The following EIF4G3 variants were observed in gnomAD, a reference collection of about 807,000 sequenced individuals.
EIF4G3 encodes eIF-4-gamma 3.
Under a neutral mutation model 186.4 loss-of-function variants are expected in EIF4G3, and 34 were observed. That is an observed-to-expected ratio of 0.18 (90% CI 0.14 to 0.24). The LOEUF (loss-of-function observed/expected upper bound fraction) is 0.24, where lower values mean the gene tolerates loss of function less well. EIF4G3 is among the 10% of genes least tolerant of loss of function. The probability of loss-of-function intolerance (pLI) is 1.00; values close to 1 mark genes in which losing one functional copy is unlikely to be tolerated. For missense variants in EIF4G3, 1,536 were observed against 1,948.5 expected (o/e 0.79, Z 3.99); for synonymous variants, 673 against 679.5 (o/e 0.99, Z 0.15).
chr1:20,834,936 T>G (rs187719333), intron 30 of EIF4G3, among the ~76,000 whole-genome samples: 84 of 152,254 alleles, frequency 5.5e-4, no homozygotes, highest in Middle Eastern at 6.8e-3. Context: ...TCTTCTAAAG[T>G]GCAAATAAAA....
chr1:20,953,543 A>G (rs2096296737), intron 12 of EIF4G3, among the ~76,000 whole-genome samples: 1 of 152,244 alleles, frequency 6.6e-6, no homozygotes, highest in African/African-American at 2.4e-5. Flanking sequence ...ATGTTTACCT[A>G]TTAAGTAAAC....
chr1:21,027,748 T>C (rs562340738), intron 4 of EIF4G3, among the ~76,000 whole-genome samples: 11 of 152,130 alleles, frequency 7.2e-5, no homozygotes, highest in Non-Finnish European at 1.5e-4. Flanking sequence ...TCACAAAAAA[T>C]AGGAATAACC....
chr1:20,859,939 T>C (rs2075960959), intron 24 of EIF4G3, among the ~76,000 whole-genome samples: 1 of 152,248 alleles, frequency 6.6e-6, no homozygotes, highest in South Asian at 2.1e-4. Flanking sequence ...TTCAGCTTTC[T>C]GTCTCTCTTC....
At position 21,141,377 on chromosome 1, in the gene EIF4G3, T is replaced by TTGTGTGTGTGTGTGTGTG. The variant is rs10627733; in HGVS notation, c.-272+34780_-272+34797dup. ...TCTATTTGAGAAAAATATTTTTTCT[T>TTGTGTGTGTGTGTGTGTG]TGTGTGTGTGTGTGTGTGTGTATGT... On this transcript the variant is annotated intron_variant, in intron 2 of 36. Coordinates refer to ENST00000602326, the MANE Select transcript of EIF4G3 (RefSeq NM_001391906.1). Among the ~76,000 whole-genome samples, 260 of 145,230 alleles carry TTGTGTGTGTGTGTGTGTG rather than the reference T, an allele frequency of 1.8e-3. 5 individuals are homozygous for TTGTGTGTGTGTGTGTGTG. The highest frequency in any genetic ancestry group is 8.6e-3 in the Admixed American group (123 of 14,300).
intron 33 of EIF4G3, 128 bp downstream of exon 33, chr1:20,824,972 G>T: frequency 1.8e-6 from 1 of 544,546 alleles, no homozygotes; most frequent in Non-Finnish European, 3.1e-6. Flanking sequence ...GAACTTAAAA[G>T]GACATCTTTA....
intron 7 of EIF4G3, among the ~76,000 whole-genome samples, chr1:20,986,610 G>A (rs913472167): frequency 1.4e-4 from 21 of 151,856 alleles, no homozygotes; most frequent in South Asian, 4.2e-4. Flanking sequence ...TTAGCTGGGC[G>A]TGGTGGCATG....
chr1:20,976,002 A>C (rs1445874919), intron 10 of EIF4G3, among the ~76,000 whole-genome samples: 2 of 151,134 alleles, frequency 1.3e-5, no homozygotes, highest in African/African-American at 2.4e-5. Context: ...CCCTTTACTG[A>C]AAAAAAAAGT....
Position 20,942,266 on chromosome 1 carries a change from A to ACTGAGGACTAGC in EIF4G3, c.876_887dup (p.Arg292_Leu295dup). 1 of 1,613,662 alleles carries ACTGAGGACTAGC rather than the reference A, an allele frequency of 6.2e-7. No individual in the cohort carries two copies. Among genetic ancestry groups the ACTGAGGACTAGC allele is most frequent in the Non-Finnish European group, 8.5e-7 (1 of 1,179,722 alleles). ...GGCCTTCTTGTTCTTTCTTCTCTCC[A>ACTGAGGACTAGC]CTGAGGACTAGCCTAAGGACTGGGG... On this transcript the variant is annotated inframe_insertion, in exon 14 of 37. Transcript: ENST00000602326.
At chr1:20,915,454 C>T (rs2093755284) in intron 14 of EIF4G3, among the ~76,000 whole-genome samples, 1 of 151,050 alleles carries the variant, frequency 6.6e-6, no homozygotes, top group South Asian at 2.1e-4. Context: ...AATACAAACC[C>T]TCCGCCCCCG....
At chr1:21,156,127 CA>C (rs59546159) in intron 2 of EIF4G3, among the ~76,000 whole-genome samples, 12,860 of 125,206 alleles carry the variant, frequency 0.1, 718 homozygotes, top group East Asian at 0.28. Flanking sequence ...AACTCTGTCT[CA>C]AAAAAAAAAA....
chr1:21,045,390 C>T (rs1490814003), intron 4 of EIF4G3, among the ~76,000 whole-genome samples: 2 of 152,166 alleles, frequency 1.3e-5, no homozygotes, highest in African/African-American at 4.8e-5. Flanking sequence ...AATAAAGTAT[C>T]TAACCAGTGG....
chr1:20,921,170 G>A (rs189590705), intron 14 of EIF4G3, among the ~76,000 whole-genome samples: 8 of 152,042 alleles, frequency 5.3e-5, no homozygotes, highest in East Asian at 1.9e-4. Flanking sequence ...TAATTTTTCC[G>A]TTGATCAAAT....
chr1:20,938,473 G>A (rs2095592084), intron 14 of EIF4G3, among the ~76,000 whole-genome samples: 1 of 152,146 alleles, frequency 6.6e-6, no homozygotes, highest in Admixed American at 6.5e-5. Flanking sequence ...CAGCTTTGAG[G>A]TGTTTCATCC....
At chr1:20,958,842 T>C (rs2096500756) in intron 12 of EIF4G3, among the ~76,000 whole-genome samples, 1 of 151,984 alleles carries the variant, frequency 6.6e-6, no homozygotes, top group Non-Finnish European at 1.5e-5. Context: ...TATACTTAAC[T>C]AAGGAGGTGA....
intron 2 of EIF4G3, among the ~76,000 whole-genome samples, chr1:21,104,880 T>TA (rs144856695): frequency 0.029 from 4,204 of 147,320 alleles, 85 homozygotes; most frequent in Non-Finnish European, 0.039. Context: ...TACACGCCCA[T>TA]AAAAAAAAAA....
intron 4 of EIF4G3, among the ~76,000 whole-genome samples, chr1:21,042,090 G>A (rs1252356924): frequency 6.6e-6 from 1 of 151,892 alleles, no homozygotes; most frequent in Admixed American, 6.6e-5. Context: ...GGACTCAGGG[G>A]ATGCTCCCAC....
At chr1:21,022,197 C>A (rs1350238757) in intron 4 of EIF4G3, among the ~76,000 whole-genome samples, 1 of 152,040 alleles carries the variant, frequency 6.6e-6, no homozygotes, top group Non-Finnish European at 1.5e-5. Flanking sequence ...AAGATTGCAC[C>A]TTAACAATGT....
chr1:20,906,786 CACTT>C (rs1317774536), intron 14 of EIF4G3, among the ~76,000 whole-genome samples: 2 of 149,804 alleles, frequency 1.3e-5, no homozygotes, highest in Non-Finnish European at 3.0e-5. Flanking sequence ...CTTTAGGAGA[CACTT>C]AGTCCTTAAA....
At chr1:21,073,546 G>T (rs2095502900) in intron 3 of EIF4G3, 9 of 395,296 alleles carry the variant, frequency 2.3e-5, no homozygotes, top group South Asian at 1.7e-4. Context: ...TACATTTCAT[G>T]GTTCAGGTAT....
Sources: allele counts gnomAD v4.1 joint callset (sites outside exome capture counted in the v4.1 genomes callset), GRCh38; gene constraint gnomAD v4.1.1; transcripts MANE v1.5; gene names NCBI Gene and HGNC (gene_info 2026-07-23, HGNC 2026-07-21).